The following HSD17B12 variants were observed in gnomAD, a reference collection of about 807,000 sequenced individuals.
The protein encoded by HSD17B12 is very-long-chain 3-oxoacyl-CoA reductase.
Under a neutral mutation model 39.3 loss-of-function variants are expected in HSD17B12, and 32 were observed. That is an observed-to-expected ratio of 0.81 (90% CI 0.61 to 1.09). The LOEUF is 1.09. Ranked by LOEUF, HSD17B12 falls within the 50% of genes least tolerant of loss-of-function variation. HSD17B12 has a pLI of 0.00. For synonymous variants in HSD17B12, 150 were observed against 146.7 expected (o/e 1.02, Z -0.16); for missense variants, 342 against 382.9 (o/e 0.89, Z 0.89).
At chr11:43,605,518 G>T in the HSD17B12 span, among the ~76,000 whole-genome samples, 1 of 145,780 alleles carries the variant, frequency 6.9e-6, no homozygotes, top group East Asian at 2.0e-4. Context: ...CCAAGATCAC[G>T]CCATTGCACT....
chr11:43,660,248 G>A, the HSD17B12 span, among the ~76,000 whole-genome samples: 1 of 152,086 alleles, frequency 6.6e-6, no homozygotes, highest in South Asian at 2.1e-4. Context: ...CCTCTCTCAT[G>A]CATGGTTGTC....
chr11:43,616,381 CT>C, the HSD17B12 span, among the ~76,000 whole-genome samples: 1 of 136,184 alleles, frequency 7.3e-6, no homozygotes, highest in Non-Finnish European at 1.5e-5. Context: ...GCACTCCAGC[CT>C]GGGGCGACAG....
chr11:43,712,619 C>T (rs577936114), intron 1 of HSD17B12, among the ~76,000 whole-genome samples: 3 of 152,150 alleles, frequency 2.0e-5, no homozygotes, highest in South Asian at 2.1e-4. Flanking sequence ...GTAAATCTTA[C>T]GTGTATTGAT....
intron 6 of HSD17B12, among the ~76,000 whole-genome samples, chr11:43,817,460 TA>T (rs1951140991): frequency 6.6e-6 from 1 of 152,212 alleles, no homozygotes; most frequent in Non-Finnish European, 1.5e-5. Flanking sequence ...TGATATCTTT[TA>T]GAATTTTTAT....
At chr11:43,715,398 T>A (rs1349302549) in intron 1 of HSD17B12, among the ~76,000 whole-genome samples, 1 of 152,176 alleles carries the variant, frequency 6.6e-6, no homozygotes, top group Non-Finnish European at 1.5e-5. Context: ...GGTTTTTGTC[T>A]TTGGTTCTGT....
At chr11:43,718,944 T>C (rs918910072) in intron 1 of HSD17B12, 29 of 1,051,656 alleles carry the variant, frequency 2.8e-5, no homozygotes, top group African/African-American at 6.2e-5. Flanking sequence ...ATGAAGAAGA[T>C]AGAAGACAAC....
intron 6 of HSD17B12, chr11:43,830,636 T>C (rs1475531565): frequency 5.9e-6 from 1 of 168,150 alleles, no homozygotes; most frequent in African/African-American, 2.4e-5. Context: ...TCTGATAACA[T>C]ATATTCTTTT....
intron 3 of HSD17B12, among the ~76,000 whole-genome samples, chr11:43,768,011 A>T (rs920911079): frequency 4.6e-5 from 7 of 152,354 alleles, no homozygotes; most frequent in African/African-American, 1.7e-4. Context: ...CTGATGGATC[A>T]ATACTCTCAT....
the HSD17B12 span, among the ~76,000 whole-genome samples, chr11:43,619,288 A>C: frequency 1.4e-5 from 2 of 139,130 alleles, no homozygotes; most frequent in African/African-American, 5.2e-5. Context: ...ATCCATATAT[A>C]TATATAATCC....
chr11:43,571,111 G>C, the HSD17B12 span, among the ~76,000 whole-genome samples: 2 of 152,112 alleles, frequency 1.3e-5, no homozygotes, highest in Non-Finnish European at 2.9e-5. Flanking sequence ...TAATTGCAAG[G>C]CTGCTTTAAT....
At chr11:43,634,704 T>C in the HSD17B12 span, among the ~76,000 whole-genome samples, 3 of 152,280 alleles carry the variant, frequency 2.0e-5, no homozygotes, top group African/African-American at 7.2e-5. Context: ...CGATTTAAAG[T>C]AACATCCAGG....
chr11:43,798,789 A>G (rs1950938259), intron 4 of HSD17B12, among the ~76,000 whole-genome samples: 1 of 152,156 alleles, frequency 6.6e-6, no homozygotes, highest in Non-Finnish European at 1.5e-5. Flanking sequence ...ATCCTTCTGT[A>G]TACTTTAAAT....
chr11:43,572,395 C>T, the HSD17B12 span, among the ~76,000 whole-genome samples: 1 of 152,108 alleles, frequency 6.6e-6, no homozygotes, highest in Non-Finnish European at 1.5e-5. Flanking sequence ...TGAGAAAGTC[C>T]CAGACACCTC....
intron 1 of HSD17B12, among the ~76,000 whole-genome samples, chr11:43,708,823 T>C (rs1478825622): frequency 6.6e-6 from 1 of 152,250 alleles, no homozygotes; most frequent in Non-Finnish European, 1.5e-5. Context: ...ATAATGGTTT[T>C]CAAGGATAAC....
At chr11:43,693,345 G>A (rs1228567583) in intron 1 of HSD17B12, among the ~76,000 whole-genome samples, 1 of 152,174 alleles carries the variant, frequency 6.6e-6, no homozygotes, top group African/African-American at 2.4e-5. Context: ...TGGCAGAACT[G>A]GACATCATCA....
intron 1 of HSD17B12, among the ~76,000 whole-genome samples, chr11:43,739,542 G>T (rs1950345932): frequency 6.6e-6 from 1 of 152,206 alleles, no homozygotes; most frequent in African/African-American, 2.4e-5. Context: ...TTCGAATGCT[G>T]TGTCCTCACA....
upstream of HSD17B12, among the ~76,000 whole-genome samples, chr11:43,675,993 C>T (rs1008223236): frequency 1.3e-5 from 2 of 151,836 alleles, no homozygotes; most frequent in Non-Finnish European, 2.9e-5. Flanking sequence ...GCACCTGTAA[C>T]CCCAGCTAAT....
At chr11:43,752,721 A>T in intron 2 of HSD17B12, among the ~76,000 whole-genome samples, 1 of 152,050 alleles carries the variant, frequency 6.6e-6, no homozygotes, top group East Asian at 1.9e-4. Context: ...CTCAAAAAAA[A>T]AAATAAGTGA....
At chr11:43,616,268 G>T in the HSD17B12 span, among the ~76,000 whole-genome samples, 77 of 151,966 alleles carry the variant, frequency 5.1e-4, 2 homozygotes, top group East Asian at 0.015. Context: ...AAAATTGGCT[G>T]GGTGTGGCAG....
Sources: allele counts gnomAD v4.1 joint callset (sites outside exome capture counted in the v4.1 genomes callset), GRCh38; gene constraint gnomAD v4.1.1; transcripts MANE v1.5; gene names NCBI Gene and HGNC (gene_info 2026-07-23, HGNC 2026-07-21).